FGF13: variants seen among roughly 807,000 people sequenced by gnomAD.
FGF13 encodes fibroblast growth factor homologous factor 2.
A neutral mutation model predicts 19.5 loss-of-function variants in FGF13; 2 were observed. The observed-to-expected ratio is 0.10, with a 90% confidence interval of 0.04 to 0.32. FGF13 has a LOEUF of 0.32. FGF13 is among the 10% of genes least tolerant of loss of function. The pLI is 1.00. For missense variants in FGF13, 113 were observed against 192.7 expected (o/e 0.59, Z 2.45); for synonymous variants, 72 against 76.9 (o/e 0.94, Z 0.33).
Position 138,711,182 on chromosome X carries a change from G to A in FGF13, c.-179C>T, listed in dbSNP as rs1392070292. On this transcript the variant is annotated 5_prime_UTR_variant, in exon 1 of 5. In the 5' UTR this introduces an upstream ATG that the reference lacks. Transcript: ENST00000315930. The stretch of plus-strand genomic sequence containing the variant: ...AGCCAAGGAGGGGGCTCAGCATGCC[G>A]TCCGAGCTCCTCCGGCGGCGGTCCG... 4.7e-6 allele frequency: 5 copies of A among 1,061,535 alleles called. No homozygotes were observed. Among genetic ancestry groups the A allele is most frequent in the Non-Finnish European group, 6.0e-6 (5 of 828,136 alleles). 87.5% of individuals were successfully genotyped at this position (1,061,535 alleles called of 1,213,427 possible).
intron 3 of FGF13, among the ~76,000 whole-genome samples, chrX:138,848,679 CTTTG>C (rs759570414): frequency 5.5e-4 from 61 of 111,262 alleles, no homozygotes; most frequent in African/African-American, 1.9e-3. Flanking sequence ...TGCAGGTTTT[CTTTG>C]TTTGTTTGTT....
chrX:138,995,842 T>A (rs1168664711), intron 1 of FGF13, among the ~76,000 whole-genome samples: 1 of 111,890 alleles, frequency 8.9e-6, no homozygotes, highest in Non-Finnish European at 1.9e-5. Context: ...GATTGCTGGG[T>A]CGAATGGTAG....
At chrX:138,967,603 G>A (rs1396083716) in intron 1 of FGF13, among the ~76,000 whole-genome samples, 1 of 110,748 alleles carries the variant, frequency 9.0e-6, no homozygotes, top group African/African-American at 3.3e-5. Context: ...TGCGGGGAGG[G>A]TGGATTAAGA....
At chrX:138,790,929 T>A (rs747916638) in intron 3 of FGF13, among the ~76,000 whole-genome samples, 11 of 112,314 alleles carry the variant, frequency 9.8e-5, no homozygotes, top group South Asian at 3.7e-4. Context: ...TCAACCTTCC[T>A]TATCTGTGAG....
At chrX:139,136,302 C>G (rs2083799956) in intron 1 of FGF13, among the ~76,000 whole-genome samples, 2 of 111,099 alleles carry the variant, frequency 1.8e-5, no homozygotes, top group Admixed American at 1.9e-4. Flanking sequence ...CACCTGTCAC[C>G]TGAGTAGTGT....
chrX:139,050,892 T>C (rs1279825105), intron 1 of FGF13, among the ~76,000 whole-genome samples: 1 of 112,042 alleles, frequency 8.9e-6, no homozygotes. Context: ...ACTCCTCCTC[T>C]CTGGTTCTTC....
chrX:139,127,162 A>AC (rs1325951255), intron 1 of FGF13, among the ~76,000 whole-genome samples: 11 of 111,639 alleles, frequency 9.9e-5, no homozygotes, highest in Admixed American at 5.7e-4. Context: ...ACCTTGAGCA[A>AC]CTTAGGCCTC....
At chrX:139,103,101 C>A (rs1160144322) in intron 1 of FGF13, among the ~76,000 whole-genome samples, 2 of 111,819 alleles carry the variant, frequency 1.8e-5, no homozygotes, top group African/African-American at 6.5e-5. Context: ...ACAATAAAAT[C>A]CAAACTCAAA....
chrX:138,917,209 A>C (rs762738205), intron 1 of FGF13, among the ~76,000 whole-genome samples: 4 of 111,751 alleles, frequency 3.6e-5, no homozygotes, highest in Non-Finnish European at 7.5e-5. Flanking sequence ...ATCCCTCCCA[A>C]ATTCATATGT....
At chrX:138,698,736 T>C (rs199653312) in intron 3 of FGF13, among the ~76,000 whole-genome samples, 14 of 111,617 alleles carry the variant, frequency 1.3e-4, no homozygotes, top group Non-Finnish European at 1.9e-5. Flanking sequence ...TTCTGATGGG[T>C]ACCTAAGGCT....
At chrX:138,855,705 T>C (rs191168957), downstream of FGF13, among the ~76,000 whole-genome samples, 1 of 111,938 alleles carries the variant, frequency 8.9e-6, no homozygotes, top group Admixed American at 9.6e-5. Flanking sequence ...TTAAGAATTC[T>C]CTATATCTGA....
At chrX:138,788,186 T>C (rs1053556635) in intron 3 of FGF13, among the ~76,000 whole-genome samples, 1 of 112,089 alleles carries the variant, frequency 8.9e-6, no homozygotes, top group Non-Finnish European at 1.9e-5. Context: ...AGTGGTGAGA[T>C]GGCCATATGA....
chrX:138,934,191 A>G (rs1222464289), intron 1 of FGF13, among the ~76,000 whole-genome samples: 3 of 111,728 alleles, frequency 2.7e-5, no homozygotes, highest in African/African-American at 9.8e-5. Flanking sequence ...AGGGGCTCCT[A>G]CACTACTCAG....
intron 1 of FGF13, among the ~76,000 whole-genome samples, chrX:139,197,847 G>T (rs943986609): frequency 3.7e-5 from 4 of 108,693 alleles, no homozygotes; most frequent in African/African-American, 1.3e-4. Context: ...CAAAAAATTG[G>T]CCGGGCGGTG....
At chrX:138,991,737 A>G (rs756474838) in intron 1 of FGF13, among the ~76,000 whole-genome samples, 31 of 112,207 alleles carry the variant, frequency 2.8e-4, no homozygotes, top group Non-Finnish European at 5.3e-4. Flanking sequence ...GTAGCTATAA[A>G]TGTCAGTTGT....
chrX:139,006,705 G>A (rs192670670), intron 1 of FGF13, among the ~76,000 whole-genome samples: 62 of 111,932 alleles, frequency 5.5e-4, no homozygotes, highest in Middle Eastern at 9.3e-3. Flanking sequence ...TGAAATTGAC[G>A]TGTAGAATTG....
intron 1 of FGF13, among the ~76,000 whole-genome samples, chrX:138,936,710 A>G (rs2091732925): frequency 9.0e-6 from 1 of 111,728 alleles, no homozygotes; most frequent in Non-Finnish European, 1.9e-5. Context: ...TTGAGCACCT[A>G]TTATGCATTC....
At chrX:138,938,333 G>C (rs937300621) in intron 1 of FGF13, among the ~76,000 whole-genome samples, 5 of 111,641 alleles carry the variant, frequency 4.5e-5, no homozygotes, top group African/African-American at 1.6e-4. Flanking sequence ...AATGGGAAAA[G>C]TAGAGGCTGT....
chrX:138,960,401 G>C (rs1443496105), intron 1 of FGF13, among the ~76,000 whole-genome samples: 2 of 112,117 alleles, frequency 1.8e-5, no homozygotes, highest in Admixed American at 1.9e-4. Context: ...CTGTTAGTCT[G>C]ATGGGCTTCC....
Sources: gnomAD v4.1 joint callset for allele counts (sites outside exome capture counted in the v4.1 genomes callset) on GRCh38, gnomAD v4.1.1 for gene constraint, MANE v1.5 for transcripts, NCBI Gene and HGNC (gene_info 2026-07-23, HGNC 2026-07-21) for gene names.